The following BIRC6 variants were observed in gnomAD, a reference collection of about 807,000 sequenced individuals.
The protein encoded by BIRC6 is baculoviral IAP repeat containing 6.
Under a neutral mutation model 503.3 loss-of-function variants are expected in BIRC6, and 98 were observed. The observed-to-expected ratio is 0.19, with a 90% CI of 0.17 to 0.23. The LOEUF is 0.23. BIRC6 is among the 10% of genes least tolerant of loss of function. BIRC6 has a pLI of 1.00. For missense variants in BIRC6, 5,360 were observed against 5,806.0 expected (o/e 0.92, Z 2.50); for synonymous variants, 2,240 against 2,078.7 (o/e 1.08, Z -2.11).
At chr2:32,510,689 A>G in intron 53 of BIRC6, 55 bp downstream of exon 53, 2 of 1,193,712 alleles carry the variant, frequency 1.7e-6, no homozygotes, top group Admixed American at 1.8e-5. Flanking sequence ...ATCATGCTAT[A>G]GTAAATGTTT....
At chr2:32,470,872 T>C in intron 31 of BIRC6, 142 bp from the exon 32 acceptor site, 2 of 824,824 alleles carry the variant, frequency 2.4e-6, no homozygotes, top group Non-Finnish European at 3.6e-6. Flanking sequence ...TTTTTTAGAC[T>C]TATTACATAT....
At chr2:32,581,793 T>C (rs1337446574) in intron 66 of BIRC6, among the ~76,000 whole-genome samples, 4 of 152,234 alleles carry the variant, frequency 2.6e-5, no homozygotes, top group Admixed American at 1.3e-4. Flanking sequence ...GAGGATTGTT[T>C]ATACTACAGA....
At chr2:32,571,277 G>A (rs2059895722) in intron 65 of BIRC6, among the ~76,000 whole-genome samples, 1 of 150,092 alleles carries the variant, frequency 6.7e-6, no homozygotes, top group Admixed American at 6.7e-5. Context: ...GAGTTAGAGA[G>A]AATAAACTCC....
At chr2:32,379,924 C>G (rs1217321015) in intron 2 of BIRC6, among the ~76,000 whole-genome samples, 1 of 151,976 alleles carries the variant, frequency 6.6e-6, no homozygotes, top group Non-Finnish European at 1.5e-5. Context: ...TGTGTTTAAA[C>G]TTTACCATGT....
chr2:32,443,233 C>T (rs1013413458), intron 19 of BIRC6, among the ~76,000 whole-genome samples: 1 of 152,046 alleles, frequency 6.6e-6, no homozygotes, highest in African/African-American at 2.4e-5. Context: ...GCTACTGTAT[C>T]TAGGAAGTGT....
chr2:32,477,230 T>A (rs1294892876), intron 34 of BIRC6, 138 bp from the exon 35 acceptor site: 2 of 704,356 alleles, frequency 2.8e-6, no homozygotes, highest in Non-Finnish European at 4.6e-6. Flanking sequence ...TTCTTACTTT[T>A]GAAACTTACA....
chr2:32,376,898 C>G (rs1235801823), intron 1 of BIRC6, among the ~76,000 whole-genome samples: 1 of 152,086 alleles, frequency 6.6e-6, no homozygotes, highest in African/African-American at 2.4e-5. Flanking sequence ...TTGAAAATAT[C>G]TTATTGTACC....
chr2:32,513,950 C>T (rs535968620), intron 54 of BIRC6, among the ~76,000 whole-genome samples: 9 of 151,644 alleles, frequency 5.9e-5, no homozygotes, highest in African/African-American at 1.2e-4. Flanking sequence ...ATGCACCTGT[C>T]GTTCCAGCTA....
chr2:32,451,303 G>C (rs1203977097), intron 22 of BIRC6, among the ~76,000 whole-genome samples: 1 of 152,020 alleles, frequency 6.6e-6, no homozygotes, highest in Non-Finnish European at 1.5e-5. Context: ...GCCCCGTTTA[G>C]TCTTTTTTGG....
Position 32,508,117 on chromosome 2 carries a change from C to G in BIRC6, c.9838C>G (p.Leu3280Val), listed in dbSNP as rs546321608. 4 of 1,613,900 alleles carry G rather than the reference C, an allele frequency of 2.5e-6. No homozygotes were observed. The African/African-American group carries it at 5.3e-5, about 22-fold the overall frequency. Residue 3280 changes from leucine to valine, a missense_variant, in exon 51 of 74, where the codon CTT (leucine) becomes GTT (valine). Physicochemically the swap from Leu to Val is conservative, Grantham distance 32. Coordinates refer to ENST00000421745, the MANE Select transcript of BIRC6 (RefSeq NM_016252.4). ...VKAEVASAVC[L>V]RLHRPRDAST... ...AGCCGAAGTAGCTTCTGCTGTCTGCCTTAGACTACATCGTCCACGGGATGC... is the reference window on the plus strand; with the variant it reads ...AGCCGAAGTAGCTTCTGCTGTCTGCGTTAGACTACATCGTCCACGGGATGC...
chr2:32,420,763 TGGC>T (rs1355184337), intron 10 of BIRC6, among the ~76,000 whole-genome samples: 1 of 152,052 alleles, frequency 6.6e-6, no homozygotes, highest in Non-Finnish European at 1.5e-5. Flanking sequence ...TCACCTGCAT[TGGC>T]CTCCTAAAGT....
In BIRC6 at chr2:32,575,188, C is replaced by T; in HGVS notation, c.13177C>T (p.Arg4393Trp). ...LDMARHVPLY[R>W]ALLELLRAIA... ...CATGGCAAGACATGTGCCACTCTAT[C>T]GGGCACTGCTGGAATTGCTTCGGGC... The change falls in exon 66 of 74, where the codon CGG becomes TGG. Residue 4393 changes from arginine to tryptophan, a missense_variant. Coordinates refer to ENST00000421745, the MANE Select transcript of BIRC6 (RefSeq NM_016252.4). 2.5e-6 allele frequency: 4 copies of T among 1,613,980 alleles called. No homozygotes were observed. The highest frequency in any genetic ancestry group is 3.4e-6 in the Non-Finnish European group (4 of 1,179,888).
At chr2:32,380,415 A>G (rs1002423677) in intron 3 of BIRC6, 125 bp downstream of exon 3, 66 of 1,260,252 alleles carry the variant, frequency 5.2e-5, no homozygotes, top group Non-Finnish European at 6.4e-5. Context: ...AAAAAGCAGA[A>G]TGTGCTTATA....
intron 61 of BIRC6, among the ~76,000 whole-genome samples, chr2:32,537,140 C>T (rs557074001): frequency 6.6e-6 from 1 of 152,216 alleles, no homozygotes; most frequent in East Asian, 1.9e-4. Context: ...AGTTGCCTAT[C>T]AGCTTAAGGA....
intron 66 of BIRC6, among the ~76,000 whole-genome samples, chr2:32,586,559 C>T (rs1014508151): frequency 2.0e-5 from 3 of 150,102 alleles, no homozygotes; most frequent in Non-Finnish European, 4.4e-5. Context: ...GCTGGGACTA[C>T]AGGCGTACAC....
chr2:32,514,096 G>A (rs541525039), intron 54 of BIRC6, among the ~76,000 whole-genome samples: 105 of 152,276 alleles, frequency 6.9e-4, no homozygotes, highest in African/African-American at 2.4e-3. Flanking sequence ...TGAGATGGGA[G>A]GATCACTTGA....
chr2:32,570,223 G>T (rs1010419312), intron 65 of BIRC6, among the ~76,000 whole-genome samples: 2 of 152,262 alleles, frequency 1.3e-5, no homozygotes, highest in East Asian at 1.9e-4. Context: ...GGATTTGTGT[G>T]TGTTGAACCA....
chr2:32,499,693 C>A lies in BIRC6; in HGVS notation c.8615C>A (p.Thr2872Asn). The A allele has an allele frequency of 6.2e-7, 1 of 1,614,000 alleles. No individual in the cohort carries two copies. The highest frequency in any genetic ancestry group is 8.5e-7 in the Non-Finnish European group (1 of 1,179,886). The change falls in exon 46 of 74, where the codon ACT becomes AAT. Residue 2872 changes from threonine to asparagine, a missense_variant. By Grantham distance (65) the Thr-to-Asn change is moderately conservative. This residue lies in a region of BIRC6 where 2,299 missense variants were observed against 2,267.2 expected (regional missense o/e 1.01). Coordinates refer to ENST00000421745, the MANE Select transcript of BIRC6 (RefSeq NM_016252.4). ...SVTFLVHHYITCSDKVMSRSG... is the reference protein window; with the variant it reads ...SVTFLVHHYINCSDKVMSRSG... ...ACATTTTTAGTGCACCACTATATCA[C>A]TTGCTCAGACAAAGTAATGTCAAGA... is the stretch of plus-strand genomic sequence containing the variant.
chr2:32,612,035 C>T (rs2062913422), intron 73 of BIRC6, among the ~76,000 whole-genome samples: 1 of 151,976 alleles, frequency 6.6e-6, no homozygotes, highest in Non-Finnish European at 1.5e-5. Context: ...GCCACAGTGC[C>T]CAGTTAAATT....
Sources: gnomAD v4.1 joint callset for allele counts (sites outside exome capture counted in the v4.1 genomes callset) on GRCh38, gnomAD v4.1.1 for gene constraint, gnomAD v4.1.1 regional missense constraint, MANE v1.5 for transcripts, NCBI Gene and HGNC (gene_info 2026-07-23, HGNC 2026-07-21) for gene names.